The following PPP3CA variants were observed in gnomAD, a reference collection of about 807,000 sequenced individuals.
PPP3CA encodes the protein protein phosphatase 3 catalytic subunit alpha.
Under a neutral mutation model 66.5 loss-of-function variants are expected in PPP3CA, and 14 were observed. The ratio of observed to expected loss-of-function variants is 0.21; its 90% CI spans 0.14 to 0.33. The LOEUF (loss-of-function observed/expected upper bound fraction) is 0.33. Ranked by LOEUF, PPP3CA falls within the 10% of genes least tolerant of loss-of-function variation. The pLI is 1.00. For synonymous variants in PPP3CA, 232 were observed against 226.2 expected, an observed-to-expected ratio of 1.03 and a Z score of -0.23; for missense variants, 317 against 639.5, an observed-to-expected ratio of 0.50 and a Z score of 5.44.
chr4:101,032,827 G>T (rs9884444), intron 11 of PPP3CA, among the ~76,000 whole-genome samples: 1 of 152,018 alleles, frequency 6.6e-6, no homozygotes, highest in Non-Finnish European at 1.5e-5. Flanking sequence ...TCTGATTTGT[G>T]GATTAGGGAA....
rs1356610653 is a variant in PPP3CA at position 101,032,251 on chromosome 4, C to T, written c.1339+16G>A. The T allele has an allele frequency of 4.4e-6, 7 of 1,577,130 alleles. No individual in the cohort carries two copies. Among genetic ancestry groups the T allele is most frequent in the Non-Finnish European group, 5.2e-6 (6 of 1,160,910 alleles). ...GCGATGCCCCAGCACACAGTCATAC[C>T]CATCAGCCTGCTTACCGCTTTGCAG... is the stretch of plus-strand genomic sequence containing the variant. On this transcript the variant is annotated intron_variant, in intron 12 of 13. Transcript: ENST00000394854.
At chr4:101,224,593 C>T (rs1201330252) in intron 1 of PPP3CA, among the ~76,000 whole-genome samples, 4 of 151,794 alleles carry the variant, frequency 2.6e-5, no homozygotes, top group Non-Finnish European at 5.9e-5. Context: ...CCTACACTAA[C>T]ACACTGTTGT....
At chr4:101,086,080 C>T (rs925641642) in intron 6 of PPP3CA, among the ~76,000 whole-genome samples, 1 of 151,750 alleles carries the variant, frequency 6.6e-6, no homozygotes, top group Non-Finnish European at 1.5e-5. Context: ...ATCTTAGGAA[C>T]ATAAAGCATT....
intron 5 of PPP3CA, 132 bp from the exon 6 acceptor site, chr4:101,094,047 A>C: frequency 1.4e-6 from 1 of 706,088 alleles, no homozygotes; most frequent in Non-Finnish European, 2.1e-6. Context: ...AATGTCCTCT[A>C]CCTCTCTCTC....
chr4:101,094,048 CCT>C, intron 5 of PPP3CA, 133 bp from the exon 6 acceptor site: 327 of 693,260 alleles, frequency 4.7e-4, no homozygotes, highest in Middle Eastern at 1.4e-3. Flanking sequence ...ATGTCCTCTA[CCT>C]CTCTCTCTCT....
intron 2 of PPP3CA, among the ~76,000 whole-genome samples, chr4:101,152,695 T>A (rs1490761550): frequency 2.0e-5 from 3 of 152,136 alleles, no homozygotes; most frequent in Non-Finnish European, 4.4e-5. Flanking sequence ...AACCAGTCAA[T>A]CTGCAAATAT....
chr4:101,077,272 C>G (rs1049873902), intron 8 of PPP3CA, among the ~76,000 whole-genome samples: 1 of 152,180 alleles, frequency 6.6e-6, no homozygotes, highest in Non-Finnish European at 1.5e-5. Flanking sequence ...CTCACTGTTT[C>G]ATTTTGCCAG....
intron 6 of PPP3CA, 51 bp from the exon 7 acceptor site, chr4:101,083,314 G>T: frequency 6.9e-7 from 1 of 1,458,450 alleles, no homozygotes; most frequent in Non-Finnish European, 9.6e-7. Context: ...ATCATCAGGA[G>T]TAGCACATTT....
chr4:101,027,475 G>A (rs1195571409), intron 13 of PPP3CA, among the ~76,000 whole-genome samples: 1 of 152,044 alleles, frequency 6.6e-6, no homozygotes, highest in Non-Finnish European at 1.5e-5. Context: ...AATAAGATGC[G>A]AAAATGGGGA....
At chr4:101,207,701 C>T (rs1725176921) in intron 1 of PPP3CA, among the ~76,000 whole-genome samples, 1 of 152,176 alleles carries the variant, frequency 6.6e-6, no homozygotes, top group Admixed American at 6.5e-5. Context: ...TGGCAGGCGC[C>T]TGTAATCCCA....
At chr4:101,156,750 G>A (rs1723336510) in intron 2 of PPP3CA, among the ~76,000 whole-genome samples, 3 of 152,158 alleles carry the variant, frequency 2.0e-5, no homozygotes, top group Non-Finnish European at 4.4e-5. Context: ...AGATTTGAAA[G>A]GTTTATGAAG....
At chr4:101,289,654 T>C (rs1727955661) in intron 1 of PPP3CA, among the ~76,000 whole-genome samples, 1 of 152,190 alleles carries the variant, frequency 6.6e-6, no homozygotes, top group South Asian at 2.1e-4. Flanking sequence ...TATAAACATA[T>C]ATAATTTAGT....
intron 1 of PPP3CA, among the ~76,000 whole-genome samples, chr4:101,258,632 C>T (rs892819485): frequency 1.3e-5 from 2 of 152,048 alleles, no homozygotes; most frequent in African/African-American, 2.4e-5. Context: ...TCTTGTTTAC[C>T]TACTACTGAG....
chr4:101,194,822 CT>C (rs1195990719), intron 2 of PPP3CA, among the ~76,000 whole-genome samples: 1 of 152,102 alleles, frequency 6.6e-6, no homozygotes. Flanking sequence ...CCACCTCGGC[CT>C]CCCAAAGTGC....
chr4:101,125,470 C>T (rs953648906), intron 2 of PPP3CA, among the ~76,000 whole-genome samples: 1 of 152,136 alleles, frequency 6.6e-6, no homozygotes. Context: ...CTCCTGCACA[C>T]TCATGAGTCA....
chr4:101,185,177 G>C (rs1485264992), intron 2 of PPP3CA, among the ~76,000 whole-genome samples: 1 of 151,274 alleles, frequency 6.6e-6, no homozygotes, highest in Non-Finnish European at 1.5e-5. Context: ...AAAAAAAAAA[G>C]TAAAATTTCA....
At chr4:101,046,256 G>T (rs979319414) in intron 10 of PPP3CA, among the ~76,000 whole-genome samples, 1 of 150,812 alleles carries the variant, frequency 6.6e-6, no homozygotes, top group Non-Finnish European at 1.5e-5. Flanking sequence ...AAATAAAAAC[G>T]ACCAGTTTGA....
At chr4:101,048,611 C>G (rs1268649638) in intron 10 of PPP3CA, among the ~76,000 whole-genome samples, 1 of 147,916 alleles carries the variant, frequency 6.8e-6, no homozygotes, top group Non-Finnish European at 1.5e-5. Context: ...GAAAAAAATC[C>G]TGGTAAAAAT....
At chr4:101,217,565 T>C (rs1006929321) in intron 1 of PPP3CA, among the ~76,000 whole-genome samples, 12 of 152,098 alleles carry the variant, frequency 7.9e-5, no homozygotes, top group African/African-American at 2.2e-4. Flanking sequence ...ACCGACTACA[T>C]AGGTGTGGGC....
Sources: allele counts gnomAD v4.1 joint callset (sites outside exome capture counted in the v4.1 genomes callset), GRCh38; gene constraint gnomAD v4.1.1; transcripts MANE v1.5; gene names NCBI Gene and HGNC (gene_info 2026-07-23, HGNC 2026-07-21).